Variants in GRM8 observed in about 807,000 individuals in gnomAD.
The protein encoded by GRM8 is glutamate metabotropic receptor 8, also known as metabotropic glutamate receptor 8.
In GRM8, 47 loss-of-function variants were observed where a neutral mutation model predicts 87.2. The observed-to-expected ratio is 0.54, with a 90% confidence interval of 0.43 to 0.69. The LOEUF (loss-of-function observed/expected upper bound fraction) is 0.69. Among genes scored for constraint, GRM8 ranks in the 30% least tolerant of loss-of-function variants. The pLI, the probability that GRM8 is intolerant of heterozygous loss-of-function variation, is 0.00. For missense variants in GRM8, 1,019 were observed against 1,139.2 expected, an observed-to-expected ratio of 0.89 and a Z score of 1.52; for synonymous variants, 396 against 404.5, an observed-to-expected ratio of 0.98 and a Z score of 0.25.
intron 3 of GRM8, among the ~76,000 whole-genome samples, chr7:126,941,615 GTC>G: frequency 6.8e-6 from 1 of 147,772 alleles, no homozygotes; most frequent in Admixed American, 6.7e-5. Context: ...GCAAGACTCT[GTC>G]TCAAAAAAAA....
At chr7:126,643,290 C>CAA (rs1157527693) in intron 7 of GRM8, among the ~76,000 whole-genome samples, 48 of 20,114 alleles carry the variant, frequency 2.4e-3, no homozygotes, top group African/African-American at 3.7e-3. Context: ...GAACTTGTCT[C>CAA]AAAAAAAAAA....
At chr7:126,768,938 A>AACAAAAAAAAAAT (rs371172804) in intron 7 of GRM8, among the ~76,000 whole-genome samples, 52,537 of 147,708 alleles carry the variant, frequency 0.36, 10,474 homozygotes, top group Non-Finnish European at 0.46. Flanking sequence ...AAAAAAAAAA[A>AACAAAAAAAAAAT]AAATAAAGAA....
chr7:126,461,237 A>T (rs750344228), intron 9 of GRM8, among the ~76,000 whole-genome samples: 13 of 151,514 alleles, frequency 8.6e-5, no homozygotes, highest in Non-Finnish European at 1.8e-4. Context: ...TCCCAAAGTG[A>T]TGCAGCTCAG....
intron 9 of GRM8, among the ~76,000 whole-genome samples, chr7:126,450,149 C>T (rs1802457042): frequency 6.6e-6 from 1 of 151,766 alleles, no homozygotes; most frequent in Non-Finnish European, 1.5e-5. Flanking sequence ...GATGTGGTAT[C>T]ATTAAAGACT....
chr7:126,976,966 C>G (rs58747234), intron 3 of GRM8, among the ~76,000 whole-genome samples: 1 of 151,710 alleles, frequency 6.6e-6, no homozygotes, highest in Non-Finnish European at 1.5e-5. Flanking sequence ...CTATTTTCCA[C>G]ATAAGAAGAT....
intron 9 of GRM8, among the ~76,000 whole-genome samples, chr7:126,466,498 A>G (rs752183874): frequency 1.9e-4 from 29 of 151,952 alleles, no homozygotes; most frequent in Non-Finnish European, 4.1e-4. Context: ...ATATATGTAT[A>G]TATTATGGAA....
chr7:126,528,668 C>A (rs575223776), intron 9 of GRM8, among the ~76,000 whole-genome samples: 2 of 147,468 alleles, frequency 1.4e-5, no homozygotes, highest in East Asian at 4.1e-4. Flanking sequence ...TTTAAATAAT[C>A]AACCCTTTTC....
chr7:126,824,721 C>A (rs1387099902), intron 6 of GRM8, among the ~76,000 whole-genome samples: 4 of 152,152 alleles, frequency 2.6e-5, no homozygotes, highest in African/African-American at 9.7e-5. Context: ...ATGGAAGTAT[C>A]TTTTTAAGCA....
intron 7 of GRM8, among the ~76,000 whole-genome samples, chr7:126,616,696 C>T (rs536838330): frequency 5.9e-5 from 9 of 152,240 alleles, no homozygotes; most frequent in African/African-American, 2.2e-4. Context: ...AAGGGGATAT[C>T]ACCACCAATC....
At chr7:126,675,033 A>G (rs1806795449) in intron 7 of GRM8, among the ~76,000 whole-genome samples, 1 of 152,210 alleles carries the variant, frequency 6.6e-6, no homozygotes, top group South Asian at 2.1e-4. Context: ...TGTCCACCCA[A>G]AACTCATATG....
intron 2 of GRM8, among the ~76,000 whole-genome samples, chr7:127,212,348 A>G (rs571201995): frequency 4.9e-4 from 73 of 149,794 alleles, no homozygotes; most frequent in African/African-American, 1.7e-3. Flanking sequence ...TTCATACGGT[A>G]TTTGATCTAC....
intron 7 of GRM8, among the ~76,000 whole-genome samples, chr7:126,671,833 G>C (rs1224165776): frequency 6.6e-6 from 1 of 152,166 alleles, no homozygotes; most frequent in African/African-American, 2.4e-5. Flanking sequence ...AGTTATCTGG[G>C]TGTGTCACAA....
chr7:126,595,694 T>C (rs1358205065), intron 8 of GRM8, among the ~76,000 whole-genome samples: 3 of 152,102 alleles, frequency 2.0e-5, no homozygotes, highest in Non-Finnish European at 4.4e-5. Context: ...TCTCCTTTTT[T>C]ATATGGCCAT....
intron 3 of GRM8, among the ~76,000 whole-genome samples, chr7:127,058,776 G>A (rs1820272613): frequency 6.6e-6 from 1 of 152,188 alleles, no homozygotes; most frequent in Admixed American, 6.5e-5. Flanking sequence ...CAGAGTCTCC[G>A]TGTTAGCAAC....
chr7:126,688,423 C>T (rs988235301), intron 7 of GRM8, among the ~76,000 whole-genome samples: 1 of 151,816 alleles, frequency 6.6e-6, no homozygotes, highest in South Asian at 2.1e-4. Flanking sequence ...CAAGGGAGGT[C>T]GGTGATGAAT....
At chr7:127,019,776 A>T (rs1461110048) in intron 3 of GRM8, among the ~76,000 whole-genome samples, 17 of 152,090 alleles carry the variant, frequency 1.1e-4, no homozygotes, top group Admixed American at 9.8e-4. Flanking sequence ...AATGCTAATT[A>T]TGTTACCCAA....
At chr7:127,112,372 C>T (rs1587055015) in intron 2 of GRM8, 2 of 152,320 alleles carry the variant, frequency 1.3e-5, no homozygotes, top group East Asian at 1.9e-4. Context: ...TCCTCTTTCA[C>T]CACCTGCATT....
intron 7 of GRM8, among the ~76,000 whole-genome samples, chr7:126,673,830 A>C (rs1046898686): frequency 6.6e-6 from 1 of 152,138 alleles, no homozygotes; most frequent in African/African-American, 2.4e-5. Context: ...GACCTCTAAG[A>C]TACTTTCCAA....
At chr7:126,939,892 C>T (rs1033693109) in intron 3 of GRM8, among the ~76,000 whole-genome samples, 13 of 152,160 alleles carry the variant, frequency 8.5e-5, no homozygotes, top group South Asian at 6.2e-4. Flanking sequence ...CCACTGCAGG[C>T]TAAGTGATAA....
Sources: gnomAD v4.1 joint callset for allele counts (sites outside exome capture counted in the v4.1 genomes callset) on GRCh38, gnomAD v4.1.1 for gene constraint, MANE v1.5 for transcripts, NCBI Gene and HGNC (gene_info 2026-07-23, HGNC 2026-07-21) for gene names.